Variants in MRPL22 observed in about 807,000 individuals in gnomAD.
MRPL22 encodes the protein large ribosomal subunit protein uL22m.
In MRPL22, 27 loss-of-function variants were observed where a neutral mutation model predicts 32.4. The observed-to-expected ratio is 0.83, with a 90% CI of 0.61 to 1.15. The LOEUF (loss-of-function observed/expected upper bound fraction) is 1.15. Ranked by LOEUF, MRPL22 falls within the 50% of genes most tolerant of loss-of-function variation. The pLI is 0.00. For synonymous variants in MRPL22, 86 were observed against 87.3 expected (o/e 0.99, Z 0.08); for missense variants, 239 against 260.2 (o/e 0.92, Z 0.56).
intron 3 of MRPL22, among the ~76,000 whole-genome samples, chr5:154,951,302 A>G (rs1165488239): frequency 6.6e-6 from 1 of 152,030 alleles, no homozygotes; most frequent in African/African-American, 2.4e-5. Context: ...TTCCAGTGTT[A>G]TATATTTGAA....
In MRPL22 at chr5:154,957,131, C is replaced by A. The variant is rs767640302; in HGVS notation, c.262-4C>A. On this transcript the variant is annotated splice_region_variant and splice_polypyrimidine_tract_variant and intron_variant, in intron 4 of 6. Coordinates refer to ENST00000523037, the MANE Select transcript of MRPL22 (RefSeq NM_014180.4). Reference sequence around the variant, plus strand: ...TTCTTTTGTCTCTCACCCTTTAATTCTAGATACGAGGAATGTCTATTGACC... The same window carrying A: ...TTCTTTTGTCTCTCACCCTTTAATTATAGATACGAGGAATGTCTATTGACC... 3.7e-6 allele frequency: 6 copies of A among 1,609,114 alleles called. No individual in the cohort carries two copies. In the African/African-American group the frequency reaches 8.0e-5, roughly 22 times the overall value.
intron 2 of MRPL22, among the ~76,000 whole-genome samples, chr5:154,949,387 C>T (rs969514453): frequency 8.5e-5 from 13 of 152,202 alleles, no homozygotes; most frequent in South Asian, 4.1e-4. Flanking sequence ...TTTCAATAGA[C>T]GTTTTTAAGC....
intron 6 of MRPL22, among the ~76,000 whole-genome samples, chr5:154,965,408 A>C (rs1028469760): frequency 3.3e-5 from 5 of 151,960 alleles, no homozygotes; most frequent in Non-Finnish European, 5.9e-5. Context: ...GAACAGGTGA[A>C]CAGTTCTTCT....
At chr5:154,948,078 G>A (rs1026884601) in intron 2 of MRPL22, among the ~76,000 whole-genome samples, 3 of 152,160 alleles carry the variant, frequency 2.0e-5, no homozygotes, top group African/African-American at 7.2e-5. Context: ...AAATACCAAA[G>A]TTTGCTGTGT....
At position 154,966,879 on chromosome 5, in the gene MRPL22, C is replaced by T. The variant is rs191124875; in HGVS notation, c.603C>T (p.Thr201=). The change falls in exon 7 of 7, where the codon ACC becomes ACT. Residue 201 remains threonine (T), a synonymous_variant. Transcript: ENST00000523037. ...ATATTCAGCAGCTTCGCAGCCGGAC[C>T]ATCGTTCACACTCTATGATGAGGAG... is the stretch of plus-strand genomic sequence containing the variant. ...KEYIQQLRSR[T]IVHTL is the part of the protein sequence containing the mutation. The T allele has an allele frequency of 9.5e-5, 154 of 1,612,654 alleles. No individual in the cohort carries two copies. The highest frequency in any genetic ancestry group is 7.7e-4 in the Admixed American group (46 of 59,772).
At chr5:154,946,932 G>T (rs976044008) in intron 2 of MRPL22, among the ~76,000 whole-genome samples, 1 of 152,148 alleles carries the variant, frequency 6.6e-6, no homozygotes, top group Non-Finnish European at 1.5e-5. Context: ...TGCTGGTATT[G>T]CAGGCGTGAG....
chr5:154,965,110 C>G (rs998703899), intron 6 of MRPL22, among the ~76,000 whole-genome samples: 22 of 152,172 alleles, frequency 1.4e-4, no homozygotes, highest in Non-Finnish European at 2.8e-4. Context: ...TTTTCACTTT[C>G]ATTCTTGGCT....
chr5:154,964,695 T>C (rs897307258), intron 6 of MRPL22, among the ~76,000 whole-genome samples: 8 of 152,230 alleles, frequency 5.3e-5, no homozygotes, highest in African/African-American at 1.4e-4. Flanking sequence ...TAGCAGGCAT[T>C]GAGCTTCTGC....
intron 2 of MRPL22, among the ~76,000 whole-genome samples, chr5:154,942,906 C>T (rs1281435293): frequency 6.6e-6 from 1 of 152,180 alleles, no homozygotes; most frequent in Non-Finnish European, 1.5e-5. Flanking sequence ...GAAACTTAAG[C>T]AGTTTGCCTT....
chr5:154,957,407 G>T (rs1764644760), intron 5 of MRPL22, among the ~76,000 whole-genome samples, 195 bp downstream of exon 5: 1 of 152,046 alleles, frequency 6.6e-6, no homozygotes, highest in Admixed American at 6.5e-5. Flanking sequence ...GTGCTTTAGG[G>T]TTTATTTCCT....
intron 3 of MRPL22, among the ~76,000 whole-genome samples, chr5:154,953,874 T>G (rs1764598491): frequency 1.3e-5 from 2 of 150,844 alleles, no homozygotes; most frequent in African/African-American, 2.4e-5. Flanking sequence ...TTAGTAGAGA[T>G]GGGGTTTCTC....
rs777203476 is a variant in MRPL22, at chr5:154,966,898, TGAG to T, written c.*5_*7del. 3.7e-6 allele frequency: 6 copies of T among 1,609,366 alleles called. No individual in the cohort carries two copies. In the South Asian group the frequency reaches 4.4e-5, roughly 12 times the overall value. On this transcript the variant is annotated 3_prime_UTR_variant, in exon 7 of 7. Coordinates refer to ENST00000523037, the MANE Select transcript of MRPL22 (RefSeq NM_014180.4). ...CCGGACCATCGTTCACACTCTATGA[TGAG>T]GAGATTCAGACTCCACAGTGTATAT...
chr5:154,966,251 C>G (rs1764764968), intron 6 of MRPL22, among the ~76,000 whole-genome samples: 1 of 152,202 alleles, frequency 6.6e-6, no homozygotes, highest in Non-Finnish European at 1.5e-5. Context: ...CTGGAATACC[C>G]TGTCCCTAGA....
In MRPL22 at chr5:154,967,472, T is replaced by C. The variant is rs1232191492; in HGVS notation, c.*575T>C. 1 of 152,332 alleles carries C rather than the reference T, an allele frequency of 6.6e-6. No individual in the cohort carries two copies. The highest frequency in any genetic ancestry group is 2.4e-5 in the African/African-American group (1 of 41,474). The allele number at this position is 152,332 out of a possible 1,614,324, so 9.4% of individuals were successfully genotyped here. A position where few individuals can be genotyped will look rare whatever the true frequency, so the allele number is the denominator to read the frequency against. On this transcript the variant is annotated 3_prime_UTR_variant, in exon 7 of 7. Coordinates refer to ENST00000523037, the MANE Select transcript of MRPL22 (RefSeq NM_014180.4). This position sits in a 1 kb window ranked among gnomAD's most constrained non-coding sequence, Gnocchi z 4.7. ...TCTAAAACTCCAAAAACCTTTAACTTTGAAAATTTTCTTTTGGTTAAGCAA... is the reference window on the plus strand; with the variant it reads ...TCTAAAACTCCAAAAACCTTTAACTCTGAAAATTTTCTTTTGGTTAAGCAA...
At position 154,968,703 on chromosome 5, in the gene MRPL22, T is replaced by C. The variant is rs1764805932; in HGVS notation, c.*1806T>C. 1 of 152,084 alleles carries C rather than the reference T, an allele frequency of 6.6e-6. No individual in the cohort carries two copies. The highest frequency in any genetic ancestry group is 2.4e-5 in the African/African-American group (1 of 41,406). 9.4% of individuals were successfully genotyped at this position (152,084 alleles called of 1,614,324 possible). A position where few individuals can be genotyped will look rare whatever the true frequency, so the allele number is the denominator to read the frequency against. ...GGATGCTCCACGATTGCTCTTGGAG[T>C]TGTGACTTCCTTGGGTGTGACTAAA... is the stretch of plus-strand genomic sequence containing the variant. On this transcript the variant is annotated 3_prime_UTR_variant, in exon 7 of 7. Transcript: ENST00000523037.
chr5:154,964,930 C>A (rs1764746928), intron 6 of MRPL22, among the ~76,000 whole-genome samples: 1 of 152,072 alleles, frequency 6.6e-6, no homozygotes, highest in African/African-American at 2.4e-5. Context: ...TTGTAGGTTT[C>A]CTCTAGACAG....
At chr5:154,947,243 C>T (rs559867029) in intron 2 of MRPL22, among the ~76,000 whole-genome samples, 1 of 152,272 alleles carries the variant, frequency 6.6e-6, no homozygotes, top group Non-Finnish European at 1.5e-5. Flanking sequence ...GGCCATTCAC[C>T]TAGTAAATTA....
At chr5:154,951,737 ATGTTGGCCAG>A in intron 3 of MRPL22, among the ~76,000 whole-genome samples, 1 of 151,956 alleles carries the variant, frequency 6.6e-6, no homozygotes, top group South Asian at 2.1e-4. Flanking sequence ...GGGTTTCACC[ATGTTGGCCAG>A]GCTGGTCTCC....
intron 2 of MRPL22, among the ~76,000 whole-genome samples, chr5:154,948,925 A>G (rs969633549): frequency 2.6e-4 from 39 of 152,202 alleles, no homozygotes; most frequent in African/African-American, 8.9e-4. Flanking sequence ...GGCTTTAAAC[A>G]TATTTGATGT....
Sources: allele counts gnomAD v4.1 joint callset (sites outside exome capture counted in the v4.1 genomes callset), GRCh38; gene constraint gnomAD v4.1.1; non-coding constraint Gnocchi (gnomAD v3.1); transcripts MANE v1.5; gene names NCBI Gene and HGNC (gene_info 2026-07-23, HGNC 2026-07-21).